The following ADPRHL1 variants were observed in gnomAD, a reference collection of about 807,000 sequenced individuals.
ADPRHL1 encodes ADP-ribosylhydrolase like 1.
A neutral mutation model predicts 44.1 loss-of-function variants in ADPRHL1; 43 were observed. The ratio of observed to expected loss-of-function variants is 0.98; its 90% CI spans 0.76 to 1.26. The LOEUF is 1.26. ADPRHL1 is among the 50% of genes most tolerant of loss of function. The pLI is 0.00. For missense variants in ADPRHL1, 2,022 were observed against 2,496.9 expected, an observed-to-expected ratio of 0.81 and a Z score of 4.05; for synonymous variants, 878 against 1,017.4, an observed-to-expected ratio of 0.86 and a Z score of 2.61.
rs1344429839 is a variant in ADPRHL1 at position 113,407,872 on chromosome 13, G to A, written c.1410C>T (p.Thr470=). ...QGPGGGLVGA[T]INKLLEKTKE... ...TGGTCTTCTCCAGGAGCTTGTTGAT[G>A]GTGGCACCCACGAGGCCCCCACCCG... Residue 470 remains threonine (T), a synonymous_variant, in exon 8 of 8, where the codon ACC becomes ACT. Coordinates refer to ENST00000612156, the MANE Select transcript of ADPRHL1 (RefSeq NM_001394807.1). 1.6e-6 allele frequency: 2 copies of A among 1,231,852 alleles called. No individual in the cohort carries two copies. Among genetic ancestry groups the A allele is most frequent in the East Asian group, 3.2e-5 (1 of 31,716 alleles). The allele number at this position is 1,231,852 out of a possible 1,614,324, so 76.3% of individuals were successfully genotyped here.
At chr13:113,437,700 C>A (rs1464465799) in intron 2 of ADPRHL1, among the ~76,000 whole-genome samples, 1 of 152,242 alleles carries the variant, frequency 6.6e-6, no homozygotes, top group East Asian at 1.9e-4. Context: ...GCTCTATCTG[C>A]AGACCTGCAG....
chr13:113,423,842 T>G (rs2043944074), intron 6 of ADPRHL1, among the ~76,000 whole-genome samples: 1 of 152,224 alleles, frequency 6.6e-6, no homozygotes, highest in Non-Finnish European at 1.5e-5. Context: ...TGGAACCCTG[T>G]GAAGGTGGCC....
intron 4 of ADPRHL1, among the ~76,000 whole-genome samples, chr13:113,426,029 C>T (rs2043965929): frequency 6.6e-6 from 1 of 152,230 alleles, no homozygotes; most frequent in African/African-American, 2.4e-5. Context: ...GGGGCAAAAG[C>T]ATTCTCGTTA....
chr13:113,450,488 T>C (rs1291829271), intron 1 of ADPRHL1, among the ~76,000 whole-genome samples: 9 of 152,130 alleles, frequency 5.9e-5, no homozygotes, highest in Admixed American at 6.5e-5. Context: ...GGACCACTAC[T>C]ACCAATGCAC....
chr13:113,425,551 T>C (rs905954127), intron 4 of ADPRHL1, among the ~76,000 whole-genome samples: 1 of 152,052 alleles, frequency 6.6e-6, no homozygotes, highest in Non-Finnish European at 1.5e-5. Flanking sequence ...TTTGTATTTT[T>C]AGTAGAGACG....
intron 7 of ADPRHL1, 60 bp downstream of exon 7, chr13:113,422,766 C>A (rs1427534240): frequency 6.2e-7 from 1 of 1,602,086 alleles, no homozygotes; most frequent in Admixed American, 1.7e-5. Context: ...TGCGAGAGGG[C>A]CCTACGGGCC....
chr13:113,406,776 G>A lies in ADPRHL1; in HGVS notation c.2506C>T (p.Pro836Ser). 8.1e-7 allele frequency: 1 copy of A among 1,232,000 alleles called. No individual in the cohort carries two copies. The highest frequency in any genetic ancestry group is 3.2e-5 in the East Asian group (1 of 31,712). The allele number at this position is 1,232,000 out of a possible 1,614,324, so 76.3% of individuals were successfully genotyped here. A position where few individuals can be genotyped will look rare whatever the true frequency, so the allele number is the denominator to read the frequency against. ...GTTATCCGTGGAGGCTCCGTGGCAG[G>A]CTGTGTTCTCCGAGCAGCCTGGACC... ...PSVQAARRTQPATEPPRITVQ... is the reference protein window; with the variant it reads ...PSVQAARRTQSATEPPRITVQ... Residue 836 changes from proline to serine, a missense_variant, in exon 8 of 8, where the codon CCT becomes TCT. By Grantham distance (74) the Pro-to-Ser change is moderately conservative. This residue lies in a region of ADPRHL1 where 1,221 missense variants were observed against 1,517.8 expected (regional missense o/e 0.80). Transcript: ENST00000612156.
rs1184529572 is a variant in ADPRHL1, at chr13:113,433,723, AC to A, written c.505+18del. ...CGCACTCCACGCTGACCTCCCTCCCACCCCCCGCCCACACTTACCTGTGGGA... is the reference window on the plus strand; with the variant it reads ...CGCACTCCACGCTGACCTCCCTCCCACCCCCGCCCACACTTACCTGTGGGA... On this transcript the variant is annotated intron_variant, in intron 3 of 7. Coordinates refer to ENST00000612156, the MANE Select transcript of ADPRHL1 (RefSeq NM_001394807.1). The A allele has an allele frequency of 5.3e-6, 7 of 1,327,742 alleles. No homozygotes were observed. Among genetic ancestry groups the A allele is most frequent in the Non-Finnish European group, 4.9e-6 (5 of 1,025,826 alleles). 82.2% of individuals were successfully genotyped at this position (1,327,742 alleles called of 1,614,324 possible).
In ADPRHL1 at chr13:113,410,332, C is replaced by T. The variant is rs759136207; in HGVS notation, c.1062-2112G>A. 3.9e-5 allele frequency among the ~76,000 whole-genome samples: 6 copies of T among 152,206 alleles called. 1 individual carries two copies. The South Asian group carries it at 8.3e-4, about 21-fold the overall frequency. On this transcript the variant is annotated intron_variant, in intron 7 of 7. Transcript: ENST00000612156. Reference sequence around the variant, plus strand: ...CCGGATTTTGGGGCCGCACCACCAACGCCTCTGATCCACGGTCTGGGGAGG... The same window carrying T: ...CCGGATTTTGGGGCCGCACCACCAATGCCTCTGATCCACGGTCTGGGGAGG...
At chr13:113,420,719 C>T (rs1467324812) in intron 7 of ADPRHL1, among the ~76,000 whole-genome samples, 1 of 152,014 alleles carries the variant, frequency 6.6e-6, no homozygotes, top group Non-Finnish European at 1.5e-5. Context: ...AAGCTCAGCA[C>T]GGAGCCACAT....
chr13:113,407,579 AG>A lies in ADPRHL1; in HGVS notation c.1702del (p.Leu568Ter), dbSNP rs2043818544. The A allele has an allele frequency of 2.4e-6, 3 of 1,232,078 alleles. No homozygotes were observed. The highest frequency in any genetic ancestry group is 2.0e-6 in the Non-Finnish European group (2 of 988,094). 76.3% of individuals were successfully genotyped at this position (1,232,078 alleles called of 1,614,324 possible). A position where few individuals can be genotyped will look rare whatever the true frequency, so the allele number is the denominator to read the frequency against. On this transcript the variant is annotated frameshift_variant, in exon 8 of 8. Transcript: ENST00000612156. LOFTEE classifies it low-confidence loss of function (END_TRUNC). ...NSCLCSEASA[L>X]RLHTQERKKR... ...CTTCCGCTCCTGCGTGTGCAGCCTC[AG>A]CGCACTGGCCTCGGAGCACAGGCAG...
chr13:113,444,394 C>T, intron 2 of ADPRHL1, 31 bp downstream of exon 2: 2 of 1,608,068 alleles, frequency 1.2e-6, no homozygotes, highest in Non-Finnish European at 1.7e-6. Flanking sequence ...AGCAGGGTGG[C>T]TTTAGGGGGA....
At chr13:113,420,643 G>A (rs922641012) in intron 7 of ADPRHL1, among the ~76,000 whole-genome samples, 4 of 152,024 alleles carry the variant, frequency 2.6e-5, no homozygotes, top group Non-Finnish European at 5.9e-5. Context: ...TCGCCCCCGT[G>A]TGCCTGTCTC....
In ADPRHL1 at chr13:113,406,878, C is replaced by T; in HGVS notation, c.2404G>A (p.Asp802Asn). 3 of 1,232,350 alleles carry T rather than the reference C, an allele frequency of 2.4e-6. No individual in the cohort carries two copies. Among genetic ancestry groups the T allele is most frequent in the South Asian group, 8.2e-5 (2 of 24,330 alleles). The allele number at this position is 1,232,350 out of a possible 1,614,324, so 76.3% of individuals were successfully genotyped here. ...EGAGFPDPGR[D>N]PLFATQKYFP... ...TACTTCTGGGTGGCAAAGAGGGGGTCTCTCCCTGGGTCTGGGAAGCCTGCT... is the reference window on the plus strand; with the variant it reads ...TACTTCTGGGTGGCAAAGAGGGGGTTTCTCCCTGGGTCTGGGAAGCCTGCT... Residue 802 changes from aspartate (D) to asparagine (N), a missense_variant, in exon 8 of 8, where the codon GAC becomes AAC. Transcript: ENST00000612156.
chr13:113,445,872 C>T (rs1595556337), intron 1 of ADPRHL1, among the ~76,000 whole-genome samples: 1 of 151,684 alleles, frequency 6.6e-6, no homozygotes, highest in East Asian at 1.9e-4. Flanking sequence ...CCCATGGCTG[C>T]AAACCCCTGG....
chr13:113,436,441 C>T (rs1173397433), intron 2 of ADPRHL1, among the ~76,000 whole-genome samples: 7 of 3,352 alleles, frequency 2.1e-3, no homozygotes, highest in Non-Finnish European at 2.5e-3. Flanking sequence ...ACCCCGGGAC[C>T]CGGCACCCAG....
chr13:113,417,027 A>G (rs2139608904), intron 7 of ADPRHL1, among the ~76,000 whole-genome samples: 1 of 152,382 alleles, frequency 6.6e-6, no homozygotes, highest in Non-Finnish European at 1.5e-5. Flanking sequence ...AACAAACTTA[A>G]AAGTGAACCA....
intron 4 of ADPRHL1, among the ~76,000 whole-genome samples, chr13:113,427,686 TG>T (rs1411812478): frequency 3.3e-5 from 5 of 152,212 alleles, no homozygotes; most frequent in African/African-American, 1.2e-4. Flanking sequence ...AAACAAAGTG[TG>T]CTGTGGCCTG....
At chr13:113,431,264 C>T (rs951423263) in intron 3 of ADPRHL1, among the ~76,000 whole-genome samples, 1 of 152,144 alleles carries the variant, frequency 6.6e-6, no homozygotes, top group Non-Finnish European at 1.5e-5. Context: ...GCTGGGCCCA[C>T]GGTGAACGGC....
Sources: gnomAD v4.1 joint callset for allele counts (sites outside exome capture counted in the v4.1 genomes callset) on GRCh38, gnomAD v4.1.1 for gene constraint, gnomAD v4.1.1 regional missense constraint, MANE v1.5 for transcripts, NCBI Gene and HGNC (gene_info 2026-07-23, HGNC 2026-07-21) for gene names.